Variants in MTFR1L observed in about 807,000 individuals in gnomAD.
MTFR1L encodes mitochondrial fission regulator 1-like.
A neutral mutation model predicts 27.9 loss-of-function variants in MTFR1L; 10 were observed. The observed-to-expected ratio is 0.36, with a 90% CI of 0.22 to 0.61. MTFR1L has a LOEUF of 0.61. MTFR1L is among the 20% of genes least tolerant of loss of function. The probability of loss-of-function intolerance (pLI) is 0.73; values close to 1 mark genes in which losing one functional copy is unlikely to be tolerated. For missense variants in MTFR1L, 315 were observed against 363.7 expected, an observed-to-expected ratio of 0.87 and a Z score of 1.09; for synonymous variants, 151 against 139.4, an observed-to-expected ratio of 1.08 and a Z score of -0.58.
intron 3 of MTFR1L, among the ~76,000 whole-genome samples, chr1:25,824,963 AT>A (rs2048148888): frequency 1.3e-5 from 2 of 152,150 alleles, no homozygotes; most frequent in African/African-American, 4.8e-5. Context: ...AGCACATACT[AT>A]GTGTCAGGCA....
chr1:25,829,995 A>T (rs1177653052), intron 6 of MTFR1L, among the ~76,000 whole-genome samples, 165 bp downstream of exon 6: 2 of 152,154 alleles, frequency 1.3e-5, no homozygotes, highest in Non-Finnish European at 1.5e-5. Context: ...CCCCAGTTTG[A>T]GGAAAGAGCA....
chr1:25,828,579 A>T (rs920493920), intron 5 of MTFR1L, among the ~76,000 whole-genome samples: 1 of 151,754 alleles, frequency 6.6e-6, no homozygotes, highest in Non-Finnish European at 1.5e-5. Flanking sequence ...AAAAAAAAAA[A>T]CAGTGGTCTA....
chr1:25,828,434 T>C lies in MTFR1L; in HGVS notation c.452-1075T>C, dbSNP rs948922898. Among the ~76,000 whole-genome samples, 18 of 151,994 alleles carry C rather than the reference T, an allele frequency of 1.2e-4. 1 individual carries two copies. Among genetic ancestry groups the C allele is most frequent in the Non-Finnish European group, 2.6e-4 (18 of 68,024 alleles). ...CCTGTCTCTATAAAAAATACAAAAA[T>C]TAGCTGGGCATCGCAGCATGTGCCT... On this transcript the variant is annotated intron_variant, in intron 5 of 6. Transcript: ENST00000374303.
chr1:25,826,227 C>A lies in MTFR1L; in HGVS notation c.130-75C>A. 7.7e-7 allele frequency: 1 copy of A among 1,300,530 alleles called. No individual in the cohort carries two copies. Among genetic ancestry groups the A allele is most frequent in the South Asian group, 1.2e-5 (1 of 80,432 alleles). 80.6% of individuals were successfully genotyped at this position (1,300,530 alleles called of 1,614,324 possible). On this transcript the variant is annotated intron_variant, in intron 3 of 6. Coordinates refer to ENST00000374303, the MANE Select transcript of MTFR1L (RefSeq NM_001099625.2). The surrounding 1 kb of genome is among the most constrained non-coding windows in gnomAD (Gnocchi z 4.1). ...ACACCCAGTGCCGGATTAGGTACCC[C>A]TCCTGTGTATTCTGCAGTTTCTGAT...
chr1:25,830,445 G>A (rs918236356), intron 6 of MTFR1L, among the ~76,000 whole-genome samples: 1 of 152,192 alleles, frequency 6.6e-6, no homozygotes, highest in Non-Finnish European at 1.5e-5. Context: ...AGGTTTTTCC[G>A]ATGGAGTATG....
At chr1:25,829,896 G>T (rs1297137790) in intron 6 of MTFR1L, 66 bp downstream of exon 6, 2 of 1,313,090 alleles carry the variant, frequency 1.5e-6, no homozygotes, top group Admixed American at 4.6e-5. Context: ...ATTATGTAAT[G>T]CAACATACTT....
Position 25,832,111 on chromosome 1 carries a change from T to C in MTFR1L, c.*85T>C, listed in dbSNP as rs1407063125. ...CCTCACCGCAGATGTTTCTGCCTCT[T>C]AAGGATAGATCTTCTGCAACAGTCT... On this transcript the variant is annotated 3_prime_UTR_variant, in exon 7 of 7. Coordinates refer to ENST00000374303, the MANE Select transcript of MTFR1L (RefSeq NM_001099625.2). 6.2e-7 allele frequency: 1 copy of C among 1,605,928 alleles called. No individual in the cohort carries two copies. Among genetic ancestry groups the C allele is most frequent in the African/African-American group, 1.3e-5 (1 of 74,790 alleles).
At chr1:25,824,028 T>C (rs1201169082) in intron 3 of MTFR1L, among the ~76,000 whole-genome samples, 2 of 152,210 alleles carry the variant, frequency 1.3e-5, no homozygotes, top group Non-Finnish European at 2.9e-5. Flanking sequence ...GAATTGACCA[T>C]GTAGCCAGTA....
chr1:25,827,613 T>G lies in MTFR1L; in HGVS notation c.451+787T>G, dbSNP rs970884839. On this transcript the variant is annotated intron_variant, in intron 5 of 6. Transcript: ENST00000374303. ...GCACCACCACACCTGGCTAATTTTT[T>G]TATTTTTAGTAGAGACGGGGTTTTG... Among the ~76,000 whole-genome samples the G allele has an allele frequency of 2.6e-5, 4 of 152,064 alleles. No individual in the cohort carries two copies. In the East Asian group the frequency reaches 7.7e-4, roughly 29 times the overall value.
chr1:25,822,938 T>A, intron 1 of MTFR1L, 81 bp from the exon 2 acceptor site: 1 of 1,277,548 alleles, frequency 7.8e-7, no homozygotes. Context: ...CAGGGCCTGG[T>A]TTTTTGGGGC....
chr1:25,827,723 G>A (rs944134854), intron 5 of MTFR1L, among the ~76,000 whole-genome samples: 1 of 151,924 alleles, frequency 6.6e-6, no homozygotes, highest in Admixed American at 6.6e-5. Flanking sequence ...TTATAGGCAT[G>A]AGCCACTGTG....
chr1:25,822,979 G>A (rs1399319138), intron 1 of MTFR1L, 40 bp from the exon 2 acceptor site: 9 of 1,551,104 alleles, frequency 5.8e-6, no homozygotes, highest in Non-Finnish European at 7.1e-6. Context: ...CCCCACTGTG[G>A]GGGGTTGTTT....
At chr1:25,829,863 T>C (rs2048214807) in intron 6 of MTFR1L, 33 bp downstream of exon 6, 8 of 1,543,640 alleles carry the variant, frequency 5.2e-6, no homozygotes, top group African/African-American at 1.4e-5. Context: ...TGGTATCTAT[T>C]TACTCAGAGT....
intron 5 of MTFR1L, among the ~76,000 whole-genome samples, chr1:25,827,748 A>AAG (rs1303423327): frequency 6.7e-6 from 1 of 149,278 alleles, no homozygotes; most frequent in African/African-American, 2.5e-5. Context: ...CGGTTGAAAC[A>AAG]AGAGTCTCAT....
chr1:25,826,499 G>A lies in MTFR1L; in HGVS notation c.239+88G>A, dbSNP rs2048169915. The A allele has an allele frequency of 9.5e-6, 15 of 1,581,066 alleles. No individual in the cohort carries two copies. The South Asian group carries it at 1.7e-4, about 18-fold the overall frequency. On this transcript the variant is annotated intron_variant, in intron 4 of 6. Transcript: ENST00000374303. This position sits in a 1 kb window ranked among gnomAD's most constrained non-coding sequence, Gnocchi z 4.1. ...GCAAGGAGAGAGGAATGAGAACTGT[G>A]GGCTCAGAGAGGAGCAGAACCTTAC...
In MTFR1L at chr1:25,826,696, G is replaced by C. The variant is rs2048173276; in HGVS notation, c.321G>C (p.Leu107=). ...AGCGCAATGCCTCTGTTCCCAACCT[G>C]CGTGGGTCCGAGGAGAGGCTTCTGG... The part of the protein sequence containing the change: ...VMQRNASVPN[L]RGSEERLLAL... Residue 107 remains leucine, a synonymous_variant, in exon 5 of 7, where the codon CTG becomes CTC. Coordinates refer to ENST00000374303, the MANE Select transcript of MTFR1L (RefSeq NM_001099625.2). This position sits in a 1 kb window ranked among gnomAD's most constrained non-coding sequence, Gnocchi z 4.1. 6.2e-7 allele frequency: 1 copy of C among 1,614,070 alleles called. No individual in the cohort carries two copies. Among genetic ancestry groups the C allele is most frequent in the African/African-American group, 1.3e-5 (1 of 74,926 alleles).
At chr1:25,823,271 TCCCTCC>T in intron 2 of MTFR1L, 143 bp downstream of exon 2, 1 of 863,490 alleles carries the variant, frequency 1.2e-6, no homozygotes, top group Non-Finnish European at 2.0e-6. Flanking sequence ...ACCGTTTCAC[TCCCTCC>T]CCCTAAGAAG....
intron 5 of MTFR1L, among the ~76,000 whole-genome samples, chr1:25,828,334 A>G (rs1192375215): frequency 1.3e-5 from 2 of 152,222 alleles, no homozygotes; most frequent in Non-Finnish European, 2.9e-5. Context: ...TGTAATCCCA[A>G]CACTTTGGAA....
At chr1:25,828,766 C>T (rs1261116437) in intron 5 of MTFR1L, among the ~76,000 whole-genome samples, 2 of 152,130 alleles carry the variant, frequency 1.3e-5, no homozygotes, top group African/African-American at 4.8e-5. Context: ...TTTTTTCACT[C>T]TGCATTGACT....
Sources: allele counts gnomAD v4.1 joint callset (sites outside exome capture counted in the v4.1 genomes callset), GRCh38; gene constraint gnomAD v4.1.1; non-coding constraint Gnocchi (gnomAD v3.1); transcripts MANE v1.5; gene names NCBI Gene and HGNC (gene_info 2026-07-23, HGNC 2026-07-21).